The following CADM1 variants were observed in gnomAD, a reference collection of about 807,000 sequenced individuals.
The protein encoded by CADM1 is cell adhesion molecule 1, also known as TSLC-1.
CADM1 carries 15 observed loss-of-function variants against 53.1 expected under a neutral mutation model. The ratio of observed to expected loss-of-function variants is 0.28; its 90% CI spans 0.19 to 0.44. CADM1 has a LOEUF of 0.44. Among genes scored for constraint, CADM1 ranks in the 20% least tolerant of loss-of-function variants. The pLI, the probability that CADM1 is intolerant of heterozygous loss-of-function variation, is 1.00. For synonymous variants in CADM1, 281 were observed against 243.0 expected (o/e 1.16, Z -1.45); for missense variants, 434 against 611.3 (o/e 0.71, Z 3.06).
chr11:115,334,118 ACT>A (rs1392212232), intron 1 of CADM1, among the ~76,000 whole-genome samples: 1 of 152,134 alleles, frequency 6.6e-6, no homozygotes, highest in Non-Finnish European at 1.5e-5. Flanking sequence ...GCATATTTAC[ACT>A]GTGTATTTTA....
chr11:115,204,480 G>T (rs925475021), intron 8 of CADM1, among the ~76,000 whole-genome samples: 2 of 152,098 alleles, frequency 1.3e-5, no homozygotes, highest in Non-Finnish European at 2.9e-5. Context: ...ACATATTATG[G>T]GCACTCAATA....
rs942294296 is a variant in CADM1 at position 115,198,261 on chromosome 11, C to T, written c.1111+145G>A. 1.8e-5 allele frequency: 11 copies of T among 625,566 alleles called. 1 individual carries two copies. The highest frequency in any genetic ancestry group is 1.1e-4 in the Admixed American group (4 of 36,460). The allele number at this position is 625,566 out of a possible 1,614,324, so 38.8% of individuals were successfully genotyped here. The stretch of plus-strand genomic sequence containing the variant: ...GAAATGACAAGACTCGACATCTTTT[C>T]AAACCTTAAAAAATTATAGTATATT... On this transcript the variant is annotated intron_variant, in intron 9 of 11. Transcript: ENST00000331581.
At chr11:115,267,727 C>A (rs1160112042) in intron 1 of CADM1, among the ~76,000 whole-genome samples, 2 of 131,648 alleles carry the variant, frequency 1.5e-5, no homozygotes, top group Admixed American at 8.4e-5. Flanking sequence ...GCAAAAGTCT[C>A]TTTACTGAAG....
At chr11:115,253,700 G>A (rs183769491) in intron 1 of CADM1, among the ~76,000 whole-genome samples, 97 of 152,172 alleles carry the variant, frequency 6.4e-4, no homozygotes, top group African/African-American at 2.1e-3. Flanking sequence ...TCATCACAGC[G>A]GAAAACTGAC....
Position 115,178,632 on chromosome 11 carries a change from A to C in CADM1, c.1297+12T>G. 8 of 1,612,378 alleles carry C rather than the reference A, an allele frequency of 5.0e-6. No homozygotes were observed. The highest frequency in any genetic ancestry group is 5.9e-6 in the Non-Finnish European group (7 of 1,179,922). ...GGGACACGCTGCTTCTGTCTGCTGAAGCTTTGCTTACCTTTATGTCTGGCA... is the reference window on the plus strand; with the variant it reads ...GGGACACGCTGCTTCTGTCTGCTGACGCTTTGCTTACCTTTATGTCTGGCA... On this transcript the variant is annotated intron_variant, in intron 11 of 11. Coordinates refer to ENST00000331581, the MANE Select transcript of CADM1 (RefSeq NM_001301043.2).
chr11:115,464,727 C>T (rs1445854012), intron 1 of CADM1, among the ~76,000 whole-genome samples: 2 of 152,200 alleles, frequency 1.3e-5, no homozygotes, highest in Non-Finnish European at 2.9e-5. Flanking sequence ...AAACAATTTA[C>T]AGTTGTCTTG....
intron 1 of CADM1, among the ~76,000 whole-genome samples, chr11:115,281,075 T>C (rs922251361): frequency 1.3e-5 from 2 of 152,214 alleles, no homozygotes; most frequent in Admixed American, 6.5e-5. Flanking sequence ...TCCCGGTAGA[T>C]TGGGAAAATC....
At chr11:115,458,613 C>T (rs1948730317) in intron 1 of CADM1, among the ~76,000 whole-genome samples, 1 of 151,544 alleles carries the variant, frequency 6.6e-6, no homozygotes, top group Non-Finnish European at 1.5e-5. Context: ...CTGGAAAGTC[C>T]TATATAAGGG....
intron 1 of CADM1, among the ~76,000 whole-genome samples, chr11:115,364,901 C>G (rs548531843): frequency 6.6e-6 from 1 of 152,314 alleles, no homozygotes; most frequent in East Asian, 1.9e-4. Flanking sequence ...ATTTACTTAG[C>G]TATATCTGGC....
Position 115,175,910 on chromosome 11 carries a change from T to C in CADM1, c.*564A>G. On this transcript the variant is annotated 3_prime_UTR_variant, in exon 12 of 12. Transcript: ENST00000331581. ...TACGACAACAGAGAAGAATGCATTA[T>C]GGATACACTAAATTCTGAACTATGA... The C allele has an allele frequency of 1.0e-6, 1 of 1,003,720 alleles. No homozygotes were observed. The highest frequency in any genetic ancestry group is 1.2e-6 in the Non-Finnish European group (1 of 840,832). 62.2% of individuals were successfully genotyped at this position (1,003,720 alleles called of 1,614,324 possible). A position where few individuals can be genotyped will look rare whatever the true frequency, so the allele number is the denominator to read the frequency against.
At chr11:115,341,258 G>C (rs889354479) in intron 1 of CADM1, among the ~76,000 whole-genome samples, 2 of 152,120 alleles carry the variant, frequency 1.3e-5, no homozygotes, top group African/African-American at 4.8e-5. Context: ...CCGGCACTAA[G>C]TATTATTTCA....
At position 115,188,899 on chromosome 11, in the gene CADM1, TTG is replaced by T. The variant is rs1401287115; in HGVS notation, c.1165+1987_1165+1988del. Among the ~76,000 whole-genome samples, 8 of 116,096 alleles carry T rather than the reference TTG, an allele frequency of 6.9e-5. No homozygotes were observed. The East Asian group carries it at 1.6e-3, about 23-fold the overall frequency. 76.2% of individuals were successfully genotyped at this position (116,096 alleles called of 152,430 possible). ...ATGACAGCTGCTCAATTTTTATTGGTTGTTTTTTTTTTCCCTTCAGATGTCTC... is the reference window on the plus strand; with the variant it reads ...ATGACAGCTGCTCAATTTTTATTGGTTTTTTTTTTTCCCTTCAGATGTCTC... On this transcript the variant is annotated intron_variant, in intron 10 of 11. Coordinates refer to ENST00000331581, the MANE Select transcript of CADM1 (RefSeq NM_001301043.2).
At chr11:115,284,087 A>ACACTCTCTCTCTCTCTCTCT (rs1555055854) in intron 1 of CADM1, among the ~76,000 whole-genome samples, 2 of 47,574 alleles carry the variant, frequency 4.2e-5, no homozygotes, top group East Asian at 8.7e-4. Context: ...AAGCCCAGAC[A>ACACTCTCTCTCTCTCTCTCT]CTCTCTCTCT....
chr11:115,374,553 G>T lies in CADM1; in HGVS notation c.124+129718C>A, dbSNP rs553951659. 4.2e-4 allele frequency among the ~76,000 whole-genome samples: 64 copies of T among 152,132 alleles called. 2 individuals carry two copies. In the Middle Eastern group the frequency reaches 0.01, roughly 24 times the overall value. ...GCCCTCACTGAAAGAATAAATCTAC[G>T]CAGTGATCTTCAAATGGTTACTGAC... On this transcript the variant is annotated intron_variant, in intron 1 of 11. Coordinates refer to ENST00000331581, the MANE Select transcript of CADM1 (RefSeq NM_001301043.2).
chr11:115,390,909 A>G (rs1946820520), intron 1 of CADM1, among the ~76,000 whole-genome samples: 1 of 152,226 alleles, frequency 6.6e-6, no homozygotes, highest in South Asian at 2.1e-4. Flanking sequence ...TGCCAAGTTG[A>G]TATGTATGAA....
In CADM1 at chr11:115,190,578, AC is replaced by A. The variant is rs1438712898; in HGVS notation, c.1165+309del. 1.8e-5 allele frequency: 5 copies of A among 274,496 alleles called. No individual in the cohort carries two copies. In the South Asian group the frequency reaches 5.2e-4, roughly 29 times the overall value. The allele number at this position is 274,496 out of a possible 1,614,324, so 17.0% of individuals were successfully genotyped here. On this transcript the variant is annotated intron_variant, in intron 10 of 11. Coordinates refer to ENST00000331581, the MANE Select transcript of CADM1 (RefSeq NM_001301043.2). ...GTAATACAACAAAATTTCTCCCGAC[AC>A]ATTATATATCTAGGACATAAACATT...
At chr11:115,366,706 CA>C (rs1346690646) in intron 1 of CADM1, among the ~76,000 whole-genome samples, 1 of 151,712 alleles carries the variant, frequency 6.6e-6, no homozygotes, top group Non-Finnish European at 1.5e-5. Flanking sequence ...AGGCAATTTA[CA>C]AAAACAAAAC....
chr11:115,344,402 C>A (rs570882062), intron 1 of CADM1, among the ~76,000 whole-genome samples: 1 of 152,090 alleles, frequency 6.6e-6, no homozygotes, highest in African/African-American at 2.4e-5. Flanking sequence ...GTCTTTTACA[C>A]CCTCCATAAT....
At chr11:115,219,161 A>C (rs576335769) in intron 5 of CADM1, among the ~76,000 whole-genome samples, 1 of 152,258 alleles carries the variant, frequency 6.6e-6, no homozygotes, top group African/African-American at 2.4e-5. Context: ...CAATCATACC[A>C]CCTAAACAAC....
Sources: allele counts gnomAD v4.1 joint callset (sites outside exome capture counted in the v4.1 genomes callset), GRCh38; gene constraint gnomAD v4.1.1; transcripts MANE v1.5; gene names NCBI Gene and HGNC (gene_info 2026-07-23, HGNC 2026-07-21).